Variants in TOR1AIP1 observed in about 807,000 individuals in gnomAD.
TOR1AIP1 encodes the protein torsin 1A interacting protein 1.
Under a neutral mutation model 63.3 loss-of-function variants are expected in TOR1AIP1, and 54 were observed. The ratio of observed to expected loss-of-function variants is 0.85; its 90% CI spans 0.69 to 1.07. The LOEUF is 1.07. TOR1AIP1 is among the 50% of genes least tolerant of loss of function. TOR1AIP1 has a pLI of 0.00. For synonymous variants in TOR1AIP1, 294 were observed against 273.5 expected (o/e 1.07, Z -0.74); for missense variants, 736 against 715.0 (o/e 1.03, Z -0.33).
At chr1:179,883,646 G>C (rs541436360) in intron 1 of TOR1AIP1, 3 of 456,264 alleles carry the variant, frequency 6.6e-6, no homozygotes, top group African/African-American at 4.0e-5. Flanking sequence ...CTGCCACTTT[G>C]GTGGCCGTCA....
intron 3 of TOR1AIP1, among the ~76,000 whole-genome samples, chr1:179,895,371 G>A (rs1648229991): frequency 6.6e-6 from 1 of 152,152 alleles, no homozygotes; most frequent in Non-Finnish European, 1.5e-5. Flanking sequence ...CTAGCTGTTT[G>A]GGAGGCCAAG....
chr1:179,906,137 G>A (rs1442744844), intron 6 of TOR1AIP1, among the ~76,000 whole-genome samples: 2 of 152,058 alleles, frequency 1.3e-5, no homozygotes, highest in African/African-American at 2.4e-5. Context: ...GTAGATCAAA[G>A]GGCATTTTTT....
At chr1:179,917,388 G>A in intron 9 of TOR1AIP1, 64 bp from the exon 10 acceptor site, 1 of 1,392,786 alleles carries the variant, frequency 7.2e-7, no homozygotes, top group African/African-American at 1.4e-5. Flanking sequence ...GATTTTAAAA[G>A]TCACTTGCCC....
chr1:179,904,141 A>G (rs938622405), intron 6 of TOR1AIP1, 119 bp downstream of exon 6: 19 of 666,676 alleles, frequency 2.8e-5, no homozygotes, highest in Middle Eastern at 2.9e-4. Flanking sequence ...AATGAATGCT[A>G]AAAAAAAACT....
rs1224561461 is a variant in TOR1AIP1 at position 179,882,963 on chromosome 1, C to T, written c.461C>T (p.Ser154Phe). 1.9e-6 allele frequency: 3 copies of T among 1,612,078 alleles called. No individual in the cohort carries two copies. The African/African-American group carries it at 4.0e-5, about 22-fold the overall frequency. Residue 154 changes from serine (S) to phenylalanine (F), a missense_variant, in exon 1 of 10, where the codon TCT becomes TTT. Physicochemically the swap from Ser to Phe is radical, Grantham distance 155. Around this residue, in one of 2 missense-constraint regions of TOR1AIP1, gnomAD observed 464 missense variants for 371.0 expected, o/e 1.25. Transcript: ENST00000606911. ...ATGACCAGGAGAGGGCTGCGGGACT[C>T]TCATTCCTCTGAAGGTGAGGACCGC... Reference protein sequence around the residue: ...PVMTRRGLRDSHSSEEDEASS... With the variant: ...PVMTRRGLRDFHSSEEDEASS...
chr1:179,885,569 A>C (rs1406689838), intron 2 of TOR1AIP1, among the ~76,000 whole-genome samples: 1 of 152,202 alleles, frequency 6.6e-6, no homozygotes, highest in East Asian at 1.9e-4. Flanking sequence ...ATAATAAACA[A>C]TCATAGCTGT....
At chr1:179,900,241 T>TAA in intron 4 of TOR1AIP1, 74 bp downstream of exon 4, 1 of 1,098,646 alleles carries the variant, frequency 9.1e-7, no homozygotes, top group Non-Finnish European at 1.3e-6. Flanking sequence ...TTCTGATAGA[T>TAA]ATTTAAGAAG....
chr1:179,916,343 C>T (rs1169524624), intron 9 of TOR1AIP1, among the ~76,000 whole-genome samples: 1 of 152,156 alleles, frequency 6.6e-6, no homozygotes, highest in African/African-American at 2.4e-5. Context: ...ACCCCCCTCC[C>T]CACAAAATAG....
At chr1:179,908,518 T>C (rs1002168398) in intron 7 of TOR1AIP1, 87 bp from the exon 8 acceptor site, 73 of 1,076,350 alleles carry the variant, frequency 6.8e-5, no homozygotes, top group Non-Finnish European at 9.3e-5. Context: ...ATTTTGTCTT[T>C]CTGATAGATT....
chr1:179,899,072 A>G (rs1246955286), intron 3 of TOR1AIP1, among the ~76,000 whole-genome samples: 2 of 152,208 alleles, frequency 1.3e-5, no homozygotes, highest in Non-Finnish European at 2.9e-5. Flanking sequence ...ATAATGTGTT[A>G]GCAGTTGCTT....
Position 179,898,706 on chromosome 1 carries a change from G to A in TOR1AIP1, c.611-1420G>A, listed in dbSNP as rs140821751. On this transcript the variant is annotated intron_variant, in intron 3 of 9. Transcript: ENST00000606911. Reference sequence around the variant, plus strand: ...AGTTTGAGACCAGCCTGGTCATGATGTAAAACCCCATCTCTTGTTTTAAAT... The same window carrying A: ...AGTTTGAGACCAGCCTGGTCATGATATAAAACCCCATCTCTTGTTTTAAAT... Among the ~76,000 whole-genome samples, 1,462 of 152,160 alleles carry A rather than the reference G, an allele frequency of 9.6e-3. 24 individuals are homozygous for A. Among genetic ancestry groups the A allele is most frequent in the African/African-American group, 0.032 (1,318 of 41,520 alleles).
At chr1:179,907,181 T>G (rs1648663491) in intron 6 of TOR1AIP1, among the ~76,000 whole-genome samples, 1 of 151,606 alleles carries the variant, frequency 6.6e-6, no homozygotes, top group Admixed American at 6.6e-5. Flanking sequence ...GTCAGGAATT[T>G]GAGACCAGCC....
At chr1:179,903,059 C>T (rs1159296357) in intron 5 of TOR1AIP1, among the ~76,000 whole-genome samples, 1 of 150,750 alleles carries the variant, frequency 6.6e-6, no homozygotes, top group Non-Finnish European at 1.5e-5. Context: ...TGTCTGTTTC[C>T]AAAACAGCAA....
At chr1:179,899,593 G>T (rs1373047241) in intron 3 of TOR1AIP1, among the ~76,000 whole-genome samples, 3 of 152,130 alleles carry the variant, frequency 2.0e-5, no homozygotes, top group East Asian at 1.9e-4. Flanking sequence ...GCATACAAAG[G>T]TTACATTTTA....
chr1:179,899,700 A>G (rs903552595), intron 3 of TOR1AIP1, among the ~76,000 whole-genome samples: 1 of 152,180 alleles, frequency 6.6e-6, no homozygotes, highest in Non-Finnish European at 1.5e-5. Context: ...GCTGGTATAC[A>G]GTGGCGCGAT....
intron 1 of TOR1AIP1, chr1:179,883,523 C>T: frequency 2.3e-6 from 1 of 433,064 alleles, no homozygotes; most frequent in Non-Finnish European, 4.7e-6. Flanking sequence ...TGAGACCTCA[C>T]CCAATACTTT....
intron 3 of TOR1AIP1, among the ~76,000 whole-genome samples, chr1:179,898,900 A>C (rs1340896396): frequency 6.6e-6 from 1 of 151,910 alleles, no homozygotes; most frequent in East Asian, 1.9e-4. Context: ...TCTCTGGGTT[A>C]GTTTTTTTTT....
intron 6 of TOR1AIP1, among the ~76,000 whole-genome samples, chr1:179,907,593 TTATATA>T (rs55752745): frequency 0.019 from 1,198 of 63,228 alleles, 22 homozygotes; most frequent in African/African-American, 0.058. Context: ...CACACACACT[TTATATA>T]TATATATATA....
At chr1:179,898,574 T>C (rs929022128) in intron 3 of TOR1AIP1, among the ~76,000 whole-genome samples, 10 of 152,008 alleles carry the variant, frequency 6.6e-5, no homozygotes, top group Non-Finnish European at 1.5e-5. Context: ...TAATTAAAAA[T>C]TTTTGGCCAG....
Sources: allele counts gnomAD v4.1 joint callset (sites outside exome capture counted in the v4.1 genomes callset), GRCh38; gene constraint gnomAD v4.1.1; regional missense constraint gnomAD v4.1.1; transcripts MANE v1.5; gene names NCBI Gene and HGNC (gene_info 2026-07-23, HGNC 2026-07-21).